ANO3: variants seen among roughly 807,000 people sequenced by gnomAD.
ANO3 encodes anoctamin 3, also known as anoctamin-3.
Under a neutral mutation model 144.8 loss-of-function variants are expected in ANO3, and 99 were observed. The ratio of observed to expected loss-of-function variants is 0.68; its 90% confidence interval spans 0.58 to 0.81. The LOEUF (loss-of-function observed/expected upper bound fraction) is 0.81, where lower values mean the gene tolerates loss of function less well. ANO3 is among the 30% of genes least tolerant of loss of function. The pLI is 0.00. For synonymous variants in ANO3, 414 were observed against 392.6 expected (o/e 1.05, Z -0.64); for missense variants, 905 against 1,202.2 (o/e 0.75, Z 3.66).
chr11:26,277,187 A>G (rs1176939876), intron 1 of ANO3, among the ~76,000 whole-genome samples: 1 of 152,130 alleles, frequency 6.6e-6, no homozygotes, highest in African/African-American at 2.4e-5. Context: ...ACTATTTTTG[A>G]TGAATTTAAA....
At chr11:26,198,247 A>C (rs1851627399) in intron 1 of ANO3, among the ~76,000 whole-genome samples, 1 of 152,176 alleles carries the variant, frequency 6.6e-6, no homozygotes, top group Non-Finnish European at 1.5e-5. Flanking sequence ...ATTCATATTC[A>C]GGAAATGAAT....
chr11:26,304,816 G>C (rs1253237029), upstream of ANO3, among the ~76,000 whole-genome samples: 1 of 152,124 alleles, frequency 6.6e-6, no homozygotes, highest in Non-Finnish European at 1.5e-5. Flanking sequence ...ATACCGAAAA[G>C]AGAGATTCCC....
chr11:26,369,306 A>T (rs1856183346), intron 1 of ANO3, among the ~76,000 whole-genome samples: 1 of 152,140 alleles, frequency 6.6e-6, no homozygotes, highest in South Asian at 2.1e-4. Flanking sequence ...CCATCTGGAA[A>T]CATTAAAATG....
Position 26,591,765 on chromosome 11 carries a change from G to T in ANO3, c.1448-6600G>T, listed in dbSNP as rs529959212. Among the ~76,000 whole-genome samples the T allele has an allele frequency of 4.6e-5, 7 of 152,306 alleles. No homozygotes were observed. In the South Asian group the frequency reaches 1.4e-3, roughly 32 times the overall value. ...CACGATTCTAGTTACTTTCCTCATG[G>T]TTGTCGCTTGAAGAGCAGGTGCAGA... On this transcript the variant is annotated intron_variant, in intron 14 of 26. Coordinates refer to ENST00000256737, the MANE Select transcript of ANO3 (RefSeq NM_031418.4).
In ANO3 at chr11:26,358,044, A is replaced by G. The variant is rs118190193; in HGVS notation, c.46+25723A>G. 3.7e-4 allele frequency among the ~76,000 whole-genome samples: 56 copies of G among 152,320 alleles called. No individual in the cohort carries two copies. The East Asian group carries it at 9.8e-3, about 27-fold the overall frequency. On this transcript the variant is annotated intron_variant, in intron 1 of 26. Coordinates refer to ENST00000256737, the MANE Select transcript of ANO3 (RefSeq NM_031418.4). ...TTCATTAGTCTACTTGTCAATCTTT[A>G]TAACAACTTCATACGGTAGCTTTAT...
intron 1 of ANO3, among the ~76,000 whole-genome samples, chr11:26,366,058 A>G (rs571064930): frequency 1.4e-5 from 2 of 148,120 alleles, no homozygotes; most frequent in East Asian, 2.0e-4. Context: ...GGTTTGTTAC[A>G]TATGTATACA....
intron 1 of ANO3, among the ~76,000 whole-genome samples, chr11:26,384,380 A>C (rs1856668326): frequency 6.6e-6 from 1 of 152,190 alleles, no homozygotes. Flanking sequence ...CAAAAAGCTG[A>C]CAGTACATGG....
intron 4 of ANO3, among the ~76,000 whole-genome samples, chr11:26,500,213 G>A (rs1861137554): frequency 2.6e-5 from 4 of 152,020 alleles, no homozygotes; most frequent in African/African-American, 9.6e-5. Flanking sequence ...AAGCTGATAG[G>A]CTTTTTGATT....
intron 4 of ANO3, among the ~76,000 whole-genome samples, chr11:26,491,815 T>C (rs1860721307): frequency 6.6e-6 from 1 of 152,128 alleles, no homozygotes; most frequent in Non-Finnish European, 1.5e-5. Context: ...AGCACAGGAT[T>C]TAAAGCAGCC....
chr11:26,543,660 C>T (rs1206624731), intron 11 of ANO3, among the ~76,000 whole-genome samples: 3 of 152,028 alleles, frequency 2.0e-5, no homozygotes, highest in African/African-American at 4.8e-5. Context: ...ACCCTGTGTC[C>T]AAGTGTTCTC....
At chr11:26,486,550 G>A (rs1860460686) in intron 4 of ANO3, among the ~76,000 whole-genome samples, 1 of 152,068 alleles carries the variant, frequency 6.6e-6, no homozygotes, top group African/African-American at 2.4e-5. Flanking sequence ...TATGTTTGTA[G>A]GTGCAAGTTT....
intron 14 of ANO3, among the ~76,000 whole-genome samples, chr11:26,566,353 A>G (rs970662561): frequency 1.3e-5 from 2 of 152,034 alleles, no homozygotes; most frequent in Non-Finnish European, 2.9e-5. Flanking sequence ...CATTTGAAAT[A>G]TTTATTATGA....
At chr11:26,241,949 T>C (rs1200460043) in intron 1 of ANO3, among the ~76,000 whole-genome samples, 1 of 152,180 alleles carries the variant, frequency 6.6e-6, no homozygotes, top group Admixed American at 6.5e-5. Context: ...TTTAATAAGC[T>C]TTTAGATGAG....
chr11:26,416,416 T>C (rs1565011918), intron 1 of ANO3, among the ~76,000 whole-genome samples: 1 of 151,914 alleles, frequency 6.6e-6, no homozygotes, highest in Non-Finnish European at 1.5e-5. Context: ...TGTTTTAGTT[T>C]TTTTTTTCTT....
rs1380095344 is a variant in ANO3, at chr11:26,620,524, TA to T, written c.1837-3933del. Among the ~76,000 whole-genome samples the T allele has an allele frequency of 3.9e-5, 6 of 152,134 alleles. No individual in the cohort carries two copies. The East Asian group carries it at 1.2e-3, about 29-fold the overall frequency. ...CTAAAATTAAAACTTTAATTCCAAT[TA>T]AAAATTTTTAAATTAAAGAATGAAC... On this transcript the variant is annotated intron_variant, in intron 17 of 26. Coordinates refer to ENST00000256737, the MANE Select transcript of ANO3 (RefSeq NM_031418.4).
chr11:26,491,382 T>G (rs1373414940), intron 4 of ANO3, among the ~76,000 whole-genome samples: 1 of 152,176 alleles, frequency 6.6e-6, no homozygotes, highest in Non-Finnish European at 1.5e-5. Flanking sequence ...AAGCAACAAC[T>G]TCGATTGACA....
At chr11:26,443,636 T>C (rs1590363497) in intron 2 of ANO3, 129 bp from the exon 3 acceptor site, 2 of 504,190 alleles carry the variant, frequency 4.0e-6, no homozygotes, top group Middle Eastern at 5.3e-4. Context: ...TTTAAATAAC[T>C]AATTTTAATT....
rs184394814 is a variant in ANO3 at position 26,424,734 on chromosome 11, T to G, written c.47-17184T>G. 7.3e-3 allele frequency among the ~76,000 whole-genome samples: 1,118 copies of G among 152,192 alleles called. 8 individuals carry two copies. Among genetic ancestry groups the G allele is most frequent in the Non-Finnish European group, 0.012 (798 of 67,986 alleles). On this transcript the variant is annotated intron_variant, in intron 1 of 26. Transcript: ENST00000256737. ...CCACCTTACAAATGATTAATTGACA[T>G]AAAAACTTACTAGGAGAGGTAGATC...
At chr11:26,251,891 C>A (rs1469698253) in intron 1 of ANO3, among the ~76,000 whole-genome samples, 1 of 152,154 alleles carries the variant, frequency 6.6e-6, no homozygotes, top group Admixed American at 6.6e-5. Context: ...TCACCTCACA[C>A]CAAATACCTT....
Sources: gnomAD v4.1 joint callset for allele counts (sites outside exome capture counted in the v4.1 genomes callset) on GRCh38, gnomAD v4.1.1 for gene constraint, MANE v1.5 for transcripts, NCBI Gene and HGNC (gene_info 2026-07-23, HGNC 2026-07-21) for gene names.